PLCB1: variants seen among roughly 807,000 people sequenced by gnomAD.
The protein encoded by PLCB1 is 1-phosphatidylinositol 4,5-bisphosphate phosphodiesterase beta-1.
Under a neutral mutation model 161.8 loss-of-function variants are expected in PLCB1, and 46 were observed. The observed-to-expected ratio is 0.28, with a 90% confidence interval of 0.22 to 0.36. PLCB1 has a LOEUF of 0.36. Ranked by LOEUF, PLCB1 falls within the 10% of genes least tolerant of loss-of-function variation. The pLI, the probability that PLCB1 is intolerant of heterozygous loss-of-function variation, is 1.00. For synonymous variants in PLCB1, 517 were observed against 503.7 expected (o/e 1.03, Z -0.35); for missense variants, 1,016 against 1,472.5 (o/e 0.69, Z 5.07).
At chr20:8,718,213 C>T (rs926816043) in intron 14 of PLCB1, among the ~76,000 whole-genome samples, 3 of 150,102 alleles carry the variant, frequency 2.0e-5, no homozygotes, top group Non-Finnish European at 3.0e-5. Flanking sequence ...AGTGAGACTC[C>T]GTCTCAAAAA....
chr20:8,171,497 C>T (rs566288155), intron 2 of PLCB1, among the ~76,000 whole-genome samples: 137 of 152,114 alleles, frequency 9.0e-4, no homozygotes, highest in Non-Finnish European at 1.7e-3. Context: ...TGAACCCCAT[C>T]TGCCTGGGTT....
rs927418286 is a variant in PLCB1 at position 8,187,842 on chromosome 20, TTGG to T, written c.177+37492_177+37494del. Among the ~76,000 whole-genome samples the T allele has an allele frequency of 1.1e-4, 16 of 151,902 alleles. No homozygotes were observed. The South Asian group carries it at 2.9e-3, about 28-fold the overall frequency. The stretch of plus-strand genomic sequence containing the variant: ...ATGAGTGCATAGGACCACTACATAT[TTGG>T]TGGTGGTGGTGGTGGTGGTGTTATG... On this transcript the variant is annotated intron_variant, in intron 2 of 31. Transcript: ENST00000338037.
chr20:8,425,172 G>A (rs1421416146), intron 3 of PLCB1, among the ~76,000 whole-genome samples: 1 of 150,706 alleles, frequency 6.6e-6, no homozygotes, highest in Non-Finnish European at 1.5e-5. Flanking sequence ...AATCCTCTGG[G>A]CTGCGTTCTG....
intron 3 of PLCB1, among the ~76,000 whole-genome samples, chr20:8,500,691 T>C (rs916416084): frequency 4.6e-5 from 7 of 152,190 alleles, no homozygotes; most frequent in African/African-American, 1.7e-4. Context: ...TACCAAACTC[T>C]TTCTTCTTTA....
At chr20:8,349,280 T>C (rs1354677137) in intron 2 of PLCB1, among the ~76,000 whole-genome samples, 1 of 152,184 alleles carries the variant, frequency 6.6e-6, no homozygotes, top group East Asian at 1.9e-4. Flanking sequence ...TAGGACACAA[T>C]GAATGTATTG....
In PLCB1 at chr20:8,463,179, G is replaced by GTGTGTGTGTGTGTC. The variant is rs1364374179; in HGVS notation, c.246+91732_246+91733insGTGTGTGTGTCTGT. Among the ~76,000 whole-genome samples, 26 of 143,006 alleles carry GTGTGTGTGTGTGTC rather than the reference G, an allele frequency of 1.8e-4. No individual in the cohort carries two copies. In the East Asian group the frequency reaches 4.8e-3, roughly 26 times the overall value. 93.8% of individuals were successfully genotyped at this position (143,006 alleles called of 152,430 possible). A position where few individuals can be genotyped will look rare whatever the true frequency, so the allele number is the denominator to read the frequency against. On this transcript the variant is annotated intron_variant, in intron 3 of 31. Transcript: ENST00000338037. ...TGTGTGTGTGTGTGTGTGTGTGTGT[G>GTGTGTGTGTGTGTC]TGTCTGTGTATGTGTGTGTGCTCCT...
At chr20:8,586,619 C>T (rs6055929) in intron 3 of PLCB1, among the ~76,000 whole-genome samples, 86,068 of 151,958 alleles carry the variant, frequency 0.57, 25,445 homozygotes, top group African/African-American at 0.73. Flanking sequence ...AGTAGCAACC[C>T]GCTATAGACC....
chr20:8,367,724 A>G (rs1338035396), intron 2 of PLCB1, among the ~76,000 whole-genome samples: 1 of 152,230 alleles, frequency 6.6e-6, no homozygotes, highest in Non-Finnish European at 1.5e-5. Context: ...GGACCATTTC[A>G]CTGCTTTATT....
intron 3 of PLCB1, among the ~76,000 whole-genome samples, chr20:8,504,710 A>G (rs979230334): frequency 6.6e-6 from 1 of 152,092 alleles, no homozygotes; most frequent in Non-Finnish European, 1.5e-5. Context: ...CAACCAAACA[A>G]AAACAACAAC....
chr20:8,504,336 CA>C (rs2122825098), intron 3 of PLCB1, among the ~76,000 whole-genome samples: 1 of 152,204 alleles, frequency 6.6e-6, no homozygotes, highest in African/African-American at 2.4e-5. Context: ...AGTTCCTGGT[CA>C]AAACAAACAA....
At chr20:8,821,600 G>T (rs1264012548) in intron 31 of PLCB1, among the ~76,000 whole-genome samples, 1 of 139,008 alleles carries the variant, frequency 7.2e-6, no homozygotes, top group Non-Finnish European at 1.5e-5. Flanking sequence ...GAGTAGTTAT[G>T]ATATATCAGT....
chr20:8,563,691 A>G lies in PLCB1; in HGVS notation c.247-64603A>G, dbSNP rs1986226501. On this transcript the variant is annotated intron_variant, in intron 3 of 31. Coordinates refer to ENST00000338037, the MANE Select transcript of PLCB1 (RefSeq NM_015192.4). ...ATGTGCAAAAATCACAAGCATTCCTATACACCAATAATAGGCAAACAGAGA... is the reference window on the plus strand; with the variant it reads ...ATGTGCAAAAATCACAAGCATTCCTGTACACCAATAATAGGCAAACAGAGA... Among the ~76,000 whole-genome samples, 3 of 152,270 alleles carry G rather than the reference A, an allele frequency of 2.0e-5. No individual in the cohort carries two copies. The East Asian group carries it at 5.8e-4, about 29-fold the overall frequency.
At chr20:8,278,243 C>T (rs1270233091) in intron 2 of PLCB1, among the ~76,000 whole-genome samples, 1 of 73,856 alleles carries the variant, frequency 1.4e-5, no homozygotes, top group East Asian at 5.2e-4. Context: ...TTTGTGTGAA[C>T]AAAGAAACAA....
chr20:8,788,151 C>A (rs781598658), intron 27 of PLCB1, among the ~76,000 whole-genome samples: 1 of 152,196 alleles, frequency 6.6e-6, no homozygotes, highest in Non-Finnish European at 1.5e-5. Flanking sequence ...GAACCAGGTT[C>A]TACACTGTAA....
chr20:8,208,420 C>T (rs1978643593), intron 2 of PLCB1, among the ~76,000 whole-genome samples: 1 of 152,122 alleles, frequency 6.6e-6, no homozygotes, highest in Admixed American at 6.6e-5. Context: ...AGGAGGCGGT[C>T]ATTTTCCCAT....
chr20:8,733,996 C>T lies in PLCB1; in HGVS notation c.2043+604C>T, dbSNP rs187668781. On this transcript the variant is annotated intron_variant, in intron 19 of 31. Transcript: ENST00000338037. Reference sequence around the variant, plus strand: ...AAAAACAATTAGCCGGGCGTGGTGGCGGGCGCCTGTAGTGCCAGCTACTCA... The same window carrying T: ...AAAAACAATTAGCCGGGCGTGGTGGTGGGCGCCTGTAGTGCCAGCTACTCA... Among the ~76,000 whole-genome samples, 311 of 148,698 alleles carry T rather than the reference C, an allele frequency of 2.1e-3. 2 individuals are homozygous for T. The highest frequency in any genetic ancestry group is 0.018 in the Admixed American group (275 of 14,896).
intron 31 of PLCB1, among the ~76,000 whole-genome samples, chr20:8,794,832 T>A (rs905700903): frequency 3.3e-5 from 5 of 152,228 alleles, no homozygotes; most frequent in African/African-American, 1.2e-4. Context: ...ATTTTGTAAA[T>A]CTTTCAGCAA....
intron 31 of PLCB1, among the ~76,000 whole-genome samples, chr20:8,841,511 T>C (rs949495443): frequency 6.6e-6 from 1 of 152,238 alleles, no homozygotes; most frequent in Non-Finnish European, 1.5e-5. Context: ...ATGATTGTGA[T>C]TAAGATCAAC....
intron 2 of PLCB1, among the ~76,000 whole-genome samples, chr20:8,362,749 T>C (rs1986584242): frequency 6.6e-6 from 1 of 152,242 alleles, no homozygotes; most frequent in Non-Finnish European, 1.5e-5. Context: ...ACACAGCCTC[T>C]GAAAACTAGT....
Sources: gnomAD v4.1 joint callset for allele counts (sites outside exome capture counted in the v4.1 genomes callset) on GRCh38, gnomAD v4.1.1 for gene constraint, MANE v1.5 for transcripts, NCBI Gene and HGNC (gene_info 2026-07-23, HGNC 2026-07-21) for gene names.